Variants in NCOA2 observed in about 807,000 individuals in gnomAD.
NCOA2 encodes nuclear receptor coactivator 2, also known as class E basic helix-loop-helix protein 75.
Under a neutral mutation model 145.1 loss-of-function variants are expected in NCOA2, and 21 were observed. The ratio of observed to expected loss-of-function variants is 0.14; its 90% confidence interval spans 0.10 to 0.21. The LOEUF is 0.21. Among genes scored for constraint, NCOA2 ranks in the 10% least tolerant of loss-of-function variants. The pLI, the probability that NCOA2 is intolerant of heterozygous loss-of-function variation, is 1.00. For synonymous variants in NCOA2, 619 were observed against 637.5 expected (o/e 0.97, Z 0.44); for missense variants, 1,472 against 1,837.6 (o/e 0.80, Z 3.64).
chr8:70,218,738 A>G (rs1306855273), intron 2 of NCOA2, among the ~76,000 whole-genome samples: 2 of 152,226 alleles, frequency 1.3e-5, no homozygotes, highest in East Asian at 3.8e-4. Flanking sequence ...TAACCTTTCA[A>G]CAAATGACCT....
At chr8:70,428,754 C>T in the NCOA2 span, among the ~76,000 whole-genome samples, 32,472 of 152,066 alleles carry the variant, frequency 0.21, 3,830 homozygotes, top group East Asian at 0.51. Flanking sequence ...TTTAGCTTAG[C>T]AGTGTGCCCA....
At chr8:70,382,217 G>C (rs1010681191) in intron 1 of NCOA2, among the ~76,000 whole-genome samples, 1 of 152,048 alleles carries the variant, frequency 6.6e-6, no homozygotes, top group Non-Finnish European at 1.5e-5. Context: ...AGAGTGCTGA[G>C]GGCCGAAGCT....
At chr8:70,442,955 C>T in the NCOA2 span, among the ~76,000 whole-genome samples, 10 of 152,266 alleles carry the variant, frequency 6.6e-5, no homozygotes, top group East Asian at 3.9e-4. Context: ...TAGACACTTA[C>T]GGGTAAGCAT....
chr8:70,194,786 A>T (rs2133352784), intron 4 of NCOA2, among the ~76,000 whole-genome samples: 1 of 150,566 alleles, frequency 6.6e-6, no homozygotes, highest in Non-Finnish European at 1.5e-5. Flanking sequence ...GTAAACTAAA[A>T]CTCGGTGTCT....
intron 2 of NCOA2, among the ~76,000 whole-genome samples, chr8:70,272,498 T>C (rs1360866693): frequency 6.6e-6 from 1 of 152,242 alleles, no homozygotes; most frequent in East Asian, 1.9e-4. Flanking sequence ...ATAAGAGTAA[T>C]TTTAAGAGGC....
intron 2 of NCOA2, among the ~76,000 whole-genome samples, chr8:70,282,922 G>A (rs935361835): frequency 6.6e-6 from 1 of 152,188 alleles, no homozygotes; most frequent in African/African-American, 2.4e-5. Flanking sequence ...CTCACAGTGT[G>A]TGTGCATGTG....
chr8:70,192,812 T>C (rs144374590), intron 4 of NCOA2, among the ~76,000 whole-genome samples: 2,277 of 152,208 alleles, frequency 0.015, 64 homozygotes, highest in African/African-American at 0.053. Context: ...CTCATGCCTG[T>C]AATCCCAGCA....
the NCOA2 span, among the ~76,000 whole-genome samples, chr8:70,434,041 T>G: frequency 6.6e-6 from 1 of 152,110 alleles, no homozygotes; most frequent in Non-Finnish European, 1.5e-5. Context: ...ATCATGGAAG[T>G]GAATGAAATT....
chr8:70,212,066 CATATATATATATAT>C (rs36215324), intron 4 of NCOA2, among the ~76,000 whole-genome samples: 183 of 144,062 alleles, frequency 1.3e-3, no homozygotes, highest in Admixed American at 1.6e-3. Flanking sequence ...CTTTGTGGCG[CATATATATATATAT>C]ATATATATAT....
intron 1 of NCOA2, among the ~76,000 whole-genome samples, chr8:70,313,984 G>A (rs745669926): frequency 2.0e-5 from 3 of 151,464 alleles, no homozygotes; most frequent in Non-Finnish European, 4.4e-5. Flanking sequence ...TCCTGGCTAC[G>A]GTGAAACCCC....
chr8:70,160,895 CAA>C (rs1812919736), intron 9 of NCOA2, among the ~76,000 whole-genome samples: 1 of 152,172 alleles, frequency 6.6e-6, no homozygotes, highest in African/African-American at 2.4e-5. Flanking sequence ...TTGCTTTGCA[CAA>C]AGTGTCTAAA....
chr8:70,157,515 T>C (rs930613849), intron 10 of NCOA2, among the ~76,000 whole-genome samples: 1 of 152,212 alleles, frequency 6.6e-6, no homozygotes, highest in Admixed American at 6.5e-5. Flanking sequence ...TTAAATTGCA[T>C]TTACTAGACA....
chr8:70,394,587 A>G (rs1471955723), intron 1 of NCOA2, among the ~76,000 whole-genome samples: 2 of 152,268 alleles, frequency 1.3e-5, no homozygotes, highest in African/African-American at 4.8e-5. Context: ...AAATAGAATT[A>G]CGGAAGTTGA....
chr8:70,251,725 A>G (rs1272113969), intron 2 of NCOA2, among the ~76,000 whole-genome samples: 3 of 152,256 alleles, frequency 2.0e-5, no homozygotes, highest in African/African-American at 7.2e-5. Context: ...GCTCTTTGAG[A>G]TCAGTATTAC....
At chr8:70,280,950 G>A (rs763845996) in intron 2 of NCOA2, among the ~76,000 whole-genome samples, 2 of 151,814 alleles carry the variant, frequency 1.3e-5, no homozygotes, top group African/African-American at 2.4e-5. Flanking sequence ...CGAGATAATG[G>A]GCATCTGCAG....
chr8:70,171,847 A>G (rs753796956), intron 5 of NCOA2, among the ~76,000 whole-genome samples: 6 of 150,816 alleles, frequency 4.0e-5, no homozygotes, highest in Non-Finnish European at 7.4e-5. Flanking sequence ...TTTTTGAGAC[A>G]CAGTCTCACT....
the NCOA2 span, among the ~76,000 whole-genome samples, chr8:70,440,944 G>A: frequency 7.6e-5 from 11 of 144,410 alleles, no homozygotes; most frequent in Admixed American, 7.6e-4. Context: ...GGGAGAAAAG[G>A]AAGAAGAAAG....
rs372208205 is a variant in NCOA2, at chr8:70,155,968, T to C, written c.2394+3A>G. 4 of 1,558,192 alleles carry C rather than the reference T, an allele frequency of 2.6e-6. No homozygotes were observed. Among genetic ancestry groups the C allele is most frequent in the Admixed American group, 2.0e-5 (1 of 51,134 alleles). On this transcript the variant is annotated splice_donor_region_variant and intron_variant, in intron 11 of 22. Transcript: ENST00000452400. ...ACCTGCGAGAAGATGTGATAAAACT[T>C]ACCTGGTCACCAGGCTCAAAGCTCA...
At chr8:70,408,833 C>T in the NCOA2 span, among the ~76,000 whole-genome samples, 1 of 145,670 alleles carries the variant, frequency 6.9e-6, no homozygotes, top group Non-Finnish European at 1.5e-5. Context: ...CACCGTCTTA[C>T]CCAGGCTGAT....
Sources: gnomAD v4.1 joint callset for allele counts (sites outside exome capture counted in the v4.1 genomes callset) on GRCh38, gnomAD v4.1.1 for gene constraint, MANE v1.5 for transcripts, NCBI Gene and HGNC (gene_info 2026-07-23, HGNC 2026-07-21) for gene names.